The following MYO18A variants were observed in gnomAD, a reference collection of about 807,000 sequenced individuals.
The protein encoded by MYO18A is myosin XVIIIA.
MYO18A carries 78 observed loss-of-function variants against 235.8 expected under a neutral mutation model. That is an observed-to-expected ratio of 0.33 (90% CI 0.28 to 0.40). The LOEUF is 0.40. Ranked by LOEUF, MYO18A falls within the 10% of genes least tolerant of loss-of-function variation. The pLI is 1.00. For synonymous variants in MYO18A, 977 were observed against 1,077.8 expected (o/e 0.91, Z 1.83); for missense variants, 2,215 against 2,699.3 (o/e 0.82, Z 3.98).
intron 39 of MYO18A, 75 bp downstream of exon 39, chr17:29,086,363 C>G (rs1011359074): frequency 2.7e-5 from 41 of 1,519,150 alleles, no homozygotes; most frequent in Non-Finnish European, 3.3e-5. Flanking sequence ...AACTGTTCTA[C>G]CTGGTCGTCT....
At chr17:29,154,121 T>TGTGTGTGTGTGTGTGCGCGCGCGC (rs142430455) in intron 2 of MYO18A, among the ~76,000 whole-genome samples, 9 of 149,104 alleles carry the variant, frequency 6.0e-5, no homozygotes, top group African/African-American at 1.5e-4. Flanking sequence ...TGTGTGTGTG[T>TGTGTGTGTGTGTGTGCGCGCGCGC]GCGCGCGCGT....
chr17:29,102,352 G>A (rs760340073), intron 21 of MYO18A, among the ~76,000 whole-genome samples: 1 of 152,210 alleles, frequency 6.6e-6, no homozygotes, highest in Non-Finnish European at 1.5e-5. Context: ...GAATCCTGGC[G>A]GGAAAGACCA....
At chr17:29,163,291 C>T (rs1317891048) in intron 2 of MYO18A, among the ~76,000 whole-genome samples, 1 of 152,182 alleles carries the variant, frequency 6.6e-6, no homozygotes, top group African/African-American at 2.4e-5. Flanking sequence ...CACCCCACGC[C>T]ACTCCCAGCC....
In MYO18A at chr17:29,110,469, CT is replaced by C; in HGVS notation, c.3053del (p.Lys1018ArgfsTer8). Reference sequence around the variant, plus strand: ...GCTTCATCTGGATGCACAGTGACTTCTTTTTGACAGCCGCCATGCCTGTGGT... The same window carrying C: ...GCTTCATCTGGATGCACAGTGACTTCTTTTGACAGCCGCCATGCCTGTGGT... ...TFTTGMAAVK[K>X]KSLCIQMKLQ... On this transcript the variant is annotated frameshift_variant, in exon 18 of 42. Transcript: ENST00000527372. LOFTEE classifies it high-confidence loss of function. 6.3e-7 allele frequency: 1 copy of C among 1,596,586 alleles called. No homozygotes were observed. Among genetic ancestry groups the C allele is most frequent in the Non-Finnish European group, 8.5e-7 (1 of 1,172,118 alleles).
At chr17:29,085,676 A>G (rs1271058803) in intron 39 of MYO18A, 28 bp from the exon 40 acceptor site, 1 of 1,612,878 alleles carries the variant, frequency 6.2e-7, no homozygotes, top group Non-Finnish European at 8.5e-7. Flanking sequence ...ATGGTGGGCA[A>G]GGGGTCCAGA....
At chr17:29,092,502 C>T in intron 33 of MYO18A, 46 bp from the exon 34 acceptor site, 1 of 1,502,690 alleles carries the variant, frequency 6.7e-7, no homozygotes, top group Non-Finnish European at 9.1e-7. Flanking sequence ...TCAGCCATTC[C>T]TTGGGGGCAG....
intron 1 of MYO18A, among the ~76,000 whole-genome samples, chr17:29,170,301 TC>T (rs2068373684): frequency 6.6e-6 from 1 of 152,100 alleles, no homozygotes; most frequent in Non-Finnish European, 1.5e-5. Context: ...AGGCACCTCT[TC>T]CCCACTGCCA....
At chr17:29,084,833 C>T (rs1055828264) in intron 40 of MYO18A, among the ~76,000 whole-genome samples, 3 of 152,098 alleles carry the variant, frequency 2.0e-5, no homozygotes, top group Admixed American at 1.3e-4. Flanking sequence ...ACAACCCTGT[C>T]GAACTTGATG....
At chr17:29,141,291 G>T (rs958618726) in intron 2 of MYO18A, among the ~76,000 whole-genome samples, 1 of 152,182 alleles carries the variant, frequency 6.6e-6, no homozygotes, top group South Asian at 2.1e-4. Flanking sequence ...GGGATGCCTA[G>T]ACCAGGACTA....
In MYO18A at chr17:29,109,851, G is replaced by A. The variant is rs372900513; in HGVS notation, c.3331+7C>T. 3.4e-5 allele frequency: 53 copies of A among 1,550,158 alleles called. 1 individual carries two copies. In the African/African-American group the frequency reaches 3.7e-4, roughly 11 times the overall value. On this transcript the variant is annotated splice_region_variant and intron_variant, in intron 19 of 41. Transcript: ENST00000527372. This position sits in a 1 kb window ranked among gnomAD's most constrained non-coding sequence, Gnocchi z 4.1. ...GAGCCCAGAGTGGAGAGGAAAGGAG[G>A]CCCCACCTTGGCGGTACATGCGCAT...
chr17:29,119,236 C>T lies in MYO18A; in HGVS notation c.1829+99G>A, dbSNP rs114161914. On this transcript the variant is annotated intron_variant, in intron 8 of 41. Coordinates refer to ENST00000527372, the MANE Select transcript of MYO18A (RefSeq NM_078471.4). ...TGCACTGACCAAACAGTGCAGGATGCGATCAAGTGGCTTTAATTCTGGATG... is the reference window on the plus strand; with the variant it reads ...TGCACTGACCAAACAGTGCAGGATGTGATCAAGTGGCTTTAATTCTGGATG... The T allele has an allele frequency of 1.5e-4, 125 of 850,462 alleles. No individual in the cohort carries two copies. The African/African-American group carries it at 1.8e-3, about 12-fold the overall frequency. 52.7% of individuals were successfully genotyped at this position (850,462 alleles called of 1,614,324 possible). A position where few individuals can be genotyped will look rare whatever the true frequency, so the allele number is the denominator to read the frequency against.
intron 34 of MYO18A, 69 bp from the exon 35 acceptor site, chr17:29,090,995 A>G (rs762325559): frequency 8.2e-7 from 1 of 1,225,774 alleles, no homozygotes; most frequent in Non-Finnish European, 1.2e-6. Context: ...GCTGCCTCCA[A>G]TGGCAGGGGC....
intron 2 of MYO18A, chr17:29,131,405 G>C: frequency 1.0e-6 from 1 of 985,876 alleles, no homozygotes; most frequent in Non-Finnish European, 1.2e-6. Context: ...CTTGCCAGGA[G>C]AGCCAGGCTT....
At position 29,126,632 on chromosome 17, in the gene MYO18A, T is replaced by G. The variant is rs1363513922; in HGVS notation, c.1000-4379A>C. Among the ~76,000 whole-genome samples, 1 of 152,092 alleles carries G rather than the reference T, an allele frequency of 6.6e-6. No individual in the cohort carries two copies. Among genetic ancestry groups the G allele is most frequent in the Non-Finnish European group, 1.5e-5 (1 of 67,996 alleles). On this transcript the variant is annotated intron_variant, in intron 2 of 41. Coordinates refer to ENST00000527372, the MANE Select transcript of MYO18A (RefSeq NM_078471.4). This position sits in a 1 kb window ranked among gnomAD's most constrained non-coding sequence, Gnocchi z 4.1. Reference sequence around the variant, plus strand: ...CAAGGCCTCTCAGGCTATTCCCCCATACCCTCCAGACCCCTCTCCTTCCAG... The same window carrying G: ...CAAGGCCTCTCAGGCTATTCCCCCAGACCCTCCAGACCCCTCTCCTTCCAG...
At chr17:29,142,526 G>T in intron 2 of MYO18A, among the ~76,000 whole-genome samples, 1 of 152,200 alleles carries the variant, frequency 6.6e-6, no homozygotes, top group East Asian at 1.9e-4. Context: ...GGCCAGCAGC[G>T]TGGGCATCCC....
intron 21 of MYO18A, among the ~76,000 whole-genome samples, chr17:29,102,810 C>T (rs373549548): frequency 2.1e-4 from 32 of 152,226 alleles, no homozygotes; most frequent in East Asian, 9.6e-4. Context: ...CCTCTGCAAG[C>T]ACCTCCTTCC....
intron 2 of MYO18A, among the ~76,000 whole-genome samples, chr17:29,145,971 G>A (rs1455003166): frequency 6.6e-6 from 1 of 152,152 alleles, no homozygotes; most frequent in African/African-American, 2.4e-5. Context: ...AGGCAAAGAG[G>A]GGCCAGGCAG....
rs1379474792 is a variant in MYO18A at position 29,125,763 on chromosome 17, A to C, written c.1000-3510T>G. On this transcript the variant is annotated intron_variant, in intron 2 of 41. Transcript: ENST00000527372. This position sits in a 1 kb window ranked among gnomAD's most constrained non-coding sequence, Gnocchi z 5.1. ...TCATTTCTTTAAGAGAGAGCCCAAC[A>C]TGAGGGCCCACAGGCCGCCATGGAG... The C allele has an allele frequency of 3.9e-6, 1 of 253,986 alleles. No individual in the cohort carries two copies. The highest frequency in any genetic ancestry group is 6.2e-6 in the Non-Finnish European group (1 of 160,602). 15.7% of individuals were successfully genotyped at this position (253,986 alleles called of 1,614,324 possible).
intron 1 of MYO18A, among the ~76,000 whole-genome samples, chr17:29,178,310 C>T (rs1451034758): frequency 1.3e-5 from 2 of 152,272 alleles, no homozygotes; most frequent in African/African-American, 2.4e-5. Context: ...AAACTAGACA[C>T]TCAGAGCTAC....
Sources: allele counts gnomAD v4.1 joint callset (sites outside exome capture counted in the v4.1 genomes callset), GRCh38; gene constraint gnomAD v4.1.1; non-coding constraint Gnocchi (gnomAD v3.1); transcripts MANE v1.5; gene names NCBI Gene and HGNC (gene_info 2026-07-23, HGNC 2026-07-21).